Variants in OAS1 observed in about 807,000 individuals in gnomAD.
OAS1 encodes 2'-5'-oligoadenylate synthase 1.
OAS1 carries 24 observed loss-of-function variants against 38.5 expected under a neutral mutation model. That is an observed-to-expected ratio of 0.62 (90% CI 0.45 to 0.88). The LOEUF is 0.88. Among genes scored for constraint, OAS1 ranks in the 40% least tolerant of loss-of-function variants. The pLI is 0.00. For synonymous variants in OAS1, 169 were observed against 193.9 expected (o/e 0.87, Z 1.07); for missense variants, 482 against 493.9 (o/e 0.98, Z 0.23).
In OAS1 at chr12:112,907,200, G is replaced by A. The variant is rs1565957063; in HGVS notation, c.161G>A (p.Cys54Tyr). Reference protein sequence around the residue: ...RCFRGSSYPVCVSKVVKGGSS... With the variant: ...RCFRGSSYPVYVSKVVKGGSS... Reference sequence around the variant, plus strand: ...TTCCGAGGTAGCTCCTACCCTGTGTGTGTGTCCAAGGTGGTAAAGGTGAGT... The same window carrying A: ...TTCCGAGGTAGCTCCTACCCTGTGTATGTGTCCAAGGTGGTAAAGGTGAGT... Residue 54 changes from cysteine to tyrosine, a missense_variant, in exon 1 of 6, where the codon TGT becomes TAT. Transcript: ENST00000202917. 3 of 1,614,090 alleles carry A rather than the reference G, an allele frequency of 1.9e-6. No homozygotes were observed. Among genetic ancestry groups the A allele is most frequent in the Non-Finnish European group, 1.7e-6 (2 of 1,180,040 alleles).
chr12:112,919,597 C>T lies in OAS1; in HGVS notation c.*44C>T, dbSNP rs753654368. The T allele has an allele frequency of 2.7e-5, 44 of 1,613,898 alleles. No individual in the cohort carries two copies. The highest frequency in any genetic ancestry group is 3.5e-5 in the Non-Finnish European group (41 of 1,179,986). Reference sequence around the variant, plus strand: ...GGAAAGGGCTCCAGTGTTATCTGGACCAGTTCCTTCATTTTCAGGTGGGAC... The same window carrying T: ...GGAAAGGGCTCCAGTGTTATCTGGATCAGTTCCTTCATTTTCAGGTGGGAC... On this transcript the variant is annotated 3_prime_UTR_variant, in exon 6 of 6. Transcript: ENST00000202917.
Position 112,917,583 on chromosome 12 carries a change from C to G in OAS1, c.921C>G (p.Asn307Lys). The G allele has an allele frequency of 6.2e-7, 1 of 1,614,178 alleles. No individual in the cohort carries two copies. The highest frequency in any genetic ancestry group is 8.5e-7 in the Non-Finnish European group (1 of 1,180,020). ...TGGACCCGGCGGACCCTACAGGAAACTTGGGTGGTGGAGACCCAAAGGGTT... is the reference window on the plus strand; with the variant it reads ...TGGACCCGGCGGACCCTACAGGAAAGTTGGGTGGTGGAGACCCAAAGGGTT... ...VILDPADPTG[N>K]LGGGDPKGWR... Residue 307 changes from asparagine (N) to lysine (K), a missense_variant, in exon 5 of 6, where the codon AAC (asparagine) becomes AAG (lysine). Coordinates refer to ENST00000202917, the MANE Select transcript of OAS1 (RefSeq NM_016816.4).
At chr12:112,930,636 G>C (rs1012478063) in intron 6 of OAS1, among the ~76,000 whole-genome samples, 3 of 152,232 alleles carry the variant, frequency 2.0e-5, no homozygotes, top group African/African-American at 7.2e-5. Context: ...TTCAGGGAAG[G>C]ACTAAGGTCC....
rs759656325 is a variant in OAS1, at chr12:112,919,452, A to C, written c.1102A>C (p.Ile368Leu). 1.2e-6 allele frequency: 2 copies of C among 1,614,206 alleles called. No homozygotes were observed. Among genetic ancestry groups the C allele is most frequent in the Non-Finnish European group, 1.7e-6 (2 of 1,180,018 alleles). Residue 368 changes from isoleucine to leucine, a missense_variant, in exon 6 of 6, where the codon ATT becomes CTT. Ile to Leu is a conservative substitution (Grantham distance 5). Coordinates refer to ENST00000202917, the MANE Select transcript of OAS1 (RefSeq NM_016816.4). ...CAGGAGGTATCAGAAATATGGTTACATTGGAACACATGAGTACCCTCATTT... is the reference window on the plus strand; with the variant it reads ...CAGGAGGTATCAGAAATATGGTTACCTTGGAACACATGAGTACCCTCATTT... The part of the protein sequence containing the change: ...DPRRYQKYGY[I>L]GTHEYPHFSH...
At chr12:112,926,167 G>T (rs6489870) in intron 6 of OAS1, among the ~76,000 whole-genome samples, 7 of 152,160 alleles carry the variant, frequency 4.6e-5, no homozygotes, top group African/African-American at 1.7e-4. Context: ...GCCTGTGGGG[G>T]GTAATGGCCA....
chr12:112,918,783 G>C (rs1159522712), intron 5 of OAS1: 1 of 348,456 alleles, frequency 2.9e-6, no homozygotes, highest in Non-Finnish European at 5.9e-6. Flanking sequence ...GAGTGACTTG[G>C]GTTGTCACAC....
chr12:112,916,027 A>G (rs2043449368), intron 3 of OAS1, among the ~76,000 whole-genome samples: 1 of 152,254 alleles, frequency 6.6e-6, no homozygotes, highest in Admixed American at 6.5e-5. Flanking sequence ...TCCTCCAGAA[A>G]GAATTTCATT....
At chr12:112,917,472 T>C in intron 4 of OAS1, 75 bp from the exon 5 acceptor site, 2 of 1,586,464 alleles carry the variant, frequency 1.3e-6, no homozygotes, top group African/African-American at 2.7e-5. Flanking sequence ...GCTATTTTGC[T>C]CTCCCAGGAG....
intron 3 of OAS1, among the ~76,000 whole-genome samples, chr12:112,915,607 T>C (rs1593159658): frequency 6.6e-6 from 1 of 152,200 alleles, no homozygotes; most frequent in Non-Finnish European, 1.5e-5. Context: ...TGTGAGCTCT[T>C]TTTTGGTGCC....
At chr12:112,926,889 G>T (rs1395018300) in intron 6 of OAS1, among the ~76,000 whole-genome samples, 1 of 152,064 alleles carries the variant, frequency 6.6e-6, no homozygotes, top group Non-Finnish European at 1.5e-5. Context: ...CATTTTAGAG[G>T]CCCCCCGGGA....
chr12:112,909,941 T>C (rs1469852173), intron 2 of OAS1, among the ~76,000 whole-genome samples: 2 of 152,082 alleles, frequency 1.3e-5, no homozygotes, highest in Non-Finnish European at 2.9e-5. Flanking sequence ...TGTCACAGTT[T>C]CCTTTAGTCC....
In OAS1 at chr12:112,919,658, T is replaced by C; in HGVS notation, c.*105T>C. The C allele has an allele frequency of 6.3e-7, 1 of 1,589,964 alleles. No individual in the cohort carries two copies. Among genetic ancestry groups the C allele is most frequent in the Non-Finnish European group, 8.6e-7 (1 of 1,167,708 alleles). On this transcript the variant is annotated 3_prime_UTR_variant, in exon 6 of 6. Transcript: ENST00000202917. ...GAGAGGACAAAGCTCCTCAGTGAGCTGGTGTATAATCCAGGACAGAACCCA... is the reference window on the plus strand; with the variant it reads ...GAGAGGACAAAGCTCCTCAGTGAGCCGGTGTATAATCCAGGACAGAACCCA...
chr12:112,928,002 G>T (rs185538986), intron 6 of OAS1, among the ~76,000 whole-genome samples: 107 of 152,266 alleles, frequency 7.0e-4, no homozygotes, highest in African/African-American at 2.5e-3. Flanking sequence ...TCCCTCTCCT[G>T]GTTTGGGTTT....
exon 7 of OAS1, chr12:112,931,905 A>T: frequency 1.6e-6 from 1 of 615,768 alleles, no homozygotes; most frequent in African/African-American, 4.7e-5. Flanking sequence ...TGGCAGAAGG[A>T]ACTATACCAA....
At chr12:112,912,171 C>G (rs902262304) in intron 3 of OAS1, among the ~76,000 whole-genome samples, 4 of 152,128 alleles carry the variant, frequency 2.6e-5, no homozygotes, top group African/African-American at 9.7e-5. Context: ...AACCTCGTCT[C>G]TACAAAATAA....
intron 3 of OAS1, among the ~76,000 whole-genome samples, chr12:112,912,083 A>T (rs539288453): frequency 7.2e-5 from 11 of 152,332 alleles, no homozygotes; most frequent in African/African-American, 2.6e-4. Flanking sequence ...CACACCAGTA[A>T]TCCCAGCACT....
rs2043329561 is a variant in OAS1, at chr12:112,908,575, TCTGACG to T, written c.226_231del (p.Ala76_Asp77del). On this transcript the variant is annotated inframe_deletion, in exon 2 of 6. Coordinates refer to ENST00000202917, the MANE Select transcript of OAS1 (RefSeq NM_016816.4). The stretch of plus-strand genomic sequence containing the variant: ...CAAGGGCACCACCCTCAGAGGCCGA[TCTGACG>T]CTGACCTGGTTGTCTTCCTCAGTCC... 1 of 1,614,068 alleles carries T rather than the reference TCTGACG, an allele frequency of 6.2e-7. No individual in the cohort carries two copies. Among genetic ancestry groups the T allele is most frequent in the Non-Finnish European group, 8.5e-7 (1 of 1,180,022 alleles).
chr12:112,923,894 G>T (rs1219649756), downstream of OAS1, among the ~76,000 whole-genome samples: 1 of 65,216 alleles, frequency 1.5e-5, no homozygotes, highest in African/African-American at 1.9e-4. Context: ...TTACCTTACA[G>T]CATACACAAA....
chr12:112,917,520 T>C, intron 4 of OAS1, 27 bp from the exon 5 acceptor site: 1 of 1,613,332 alleles, frequency 6.2e-7, no homozygotes, highest in Non-Finnish European at 8.5e-7. Flanking sequence ...GCTTCTCACC[T>C]GTCCCTCTCT....
Sources: gnomAD v4.1 joint callset for allele counts (sites outside exome capture counted in the v4.1 genomes callset) on GRCh38, gnomAD v4.1.1 for gene constraint, MANE v1.5 for transcripts, NCBI Gene and HGNC (gene_info 2026-07-23, HGNC 2026-07-21) for gene names.